The following TCP11 variants were observed in gnomAD, a reference collection of about 807,000 sequenced individuals.
The protein encoded by TCP11 is t-complex 11.
TCP11 carries 34 observed loss-of-function variants against 45.0 expected under a neutral mutation model. The ratio of observed to expected loss-of-function variants is 0.76; its 90% CI spans 0.57 to 1.01. The LOEUF is 1.01. Among genes scored for constraint, TCP11 ranks in the 50% least tolerant of loss-of-function variants. The pLI, the probability that TCP11 is intolerant of heterozygous loss-of-function variation, is 0.00. For missense variants in TCP11, 523 were observed against 598.1 expected, an observed-to-expected ratio of 0.87 and a Z score of 1.31; for synonymous variants, 227 against 227.0, an observed-to-expected ratio of 1.00 and a Z score of 0.00.
At chr6:35,135,302 T>C (rs1780948485) in intron 3 of TCP11, among the ~76,000 whole-genome samples, 1 of 152,190 alleles carries the variant, frequency 6.6e-6, no homozygotes, top group African/African-American at 2.4e-5. Flanking sequence ...AGTATACATA[T>C]ATACACCATG....
rs1163810038 is a variant in TCP11 at position 35,118,424 on chromosome 6, G to A, written c.1357C>T (p.Leu453Phe). 3.3e-5 allele frequency: 53 copies of A among 1,614,074 alleles called. No homozygotes were observed. Among genetic ancestry groups the A allele is most frequent in the Non-Finnish European group, 4.2e-5 (50 of 1,180,012 alleles). The change falls in exon 10 of 10, where the codon CTT becomes TTT. Residue 453 changes from leucine to phenylalanine, a missense_variant. Around this residue, in one of 2 missense-constraint regions of TCP11, gnomAD observed 298 missense variants for 387.9 expected, o/e 0.77. Transcript: ENST00000311875. ...GCCAGTTCTGCTTCAATGAGAGTAAGGCCTCCAGGAAGGTCTAATAGAGAC... is the reference window on the plus strand; with the variant it reads ...GCCAGTTCTGCTTCAATGAGAGTAAAGCCTCCAGGAAGGTCTAATAGAGAC... ...QRSLLDLPGG[L>F]TLIEAELAEL...
intron 3 of TCP11, among the ~76,000 whole-genome samples, chr6:35,131,343 G>A (rs374898201): frequency 7.8e-4 from 119 of 151,982 alleles, no homozygotes; most frequent in African/African-American, 2.5e-3. Context: ...CGAGGCGGGC[G>A]GATCACCTGA....
intron 8 of TCP11, among the ~76,000 whole-genome samples, chr6:35,119,880 C>T (rs1420938366): frequency 6.6e-6 from 1 of 152,110 alleles, no homozygotes; most frequent in African/African-American, 2.4e-5. Context: ...GACCGACTGA[C>T]CAAGTCCTGG....
At chr6:35,140,159 A>G (rs1781559443) in intron 2 of TCP11, 1 of 1,603,596 alleles carries the variant, frequency 6.2e-7, no homozygotes, top group Admixed American at 1.7e-5. Flanking sequence ...GCATTTCAAT[A>G]GTCAAGAATT....
At chr6:35,140,022 C>A in intron 2 of TCP11, 2 of 1,614,094 alleles carry the variant, frequency 1.2e-6, no homozygotes, top group South Asian at 1.1e-5. Context: ...CATCCTACCT[C>A]AGGTTCATAG....
chr6:35,140,904 G>A lies in TCP11; in HGVS notation c.-14-20C>T, dbSNP rs371742227. ...TGGTATCTGGGTGAGGGAGAAAGGC[G>A]TGTTGTTGGCGTCGGGGAAGGGGCC... is the stretch of plus-strand genomic sequence containing the variant. On this transcript the variant is annotated intron_variant, in intron 1 of 9. Coordinates refer to ENST00000311875, the MANE Select transcript of TCP11 (RefSeq NM_001370687.1). 1.3e-6 allele frequency: 2 copies of A among 1,539,246 alleles called. No individual in the cohort carries two copies. Among genetic ancestry groups the A allele is most frequent in the Non-Finnish European group, 1.7e-6 (2 of 1,148,226 alleles).
intron 4 of TCP11, among the ~76,000 whole-genome samples, chr6:35,127,511 G>T (rs1779965359): frequency 6.6e-6 from 1 of 152,214 alleles, no homozygotes; most frequent in Non-Finnish European, 1.5e-5. Flanking sequence ...GGAAGCCATA[G>T]ATAACAACTA....
intron 1 of TCP11, 134 bp downstream of exon 1, chr6:35,141,071 C>T: frequency 2.5e-6 from 3 of 1,216,672 alleles, no homozygotes; most frequent in African/African-American, 1.6e-5. Flanking sequence ...GAGCGCTGGG[C>T]GGCAACGAGG....
In TCP11 at chr6:35,120,519, G is replaced by A; in HGVS notation, c.843C>T (p.Asn281=). The A allele has an allele frequency of 6.2e-7, 1 of 1,614,132 alleles. No individual in the cohort carries two copies. The highest frequency in any genetic ancestry group is 1.1e-5 in the South Asian group (1 of 91,080). ...VAGPSPNEAA[N]NPEPLSPTMV... is the part of the protein sequence containing the mutation. ...TTGTGGGGCTGAGGGGCTCTGGGTT[G>A]TTGGCTGCCTCATTGGGAGAGGGGC... The change falls in exon 7 of 10, where the codon AAC becomes AAT. Residue 281 remains asparagine, a synonymous_variant. Transcript: ENST00000311875. The surrounding 1 kb of genome is among the most constrained non-coding windows in gnomAD (Gnocchi z 4.9).
At position 35,122,218 on chromosome 6, in the gene TCP11, G is replaced by A; in HGVS notation, c.477C>T (p.Leu159=). 1 of 1,614,190 alleles carries A rather than the reference G, an allele frequency of 6.2e-7. No individual in the cohort carries two copies. Among genetic ancestry groups the A allele is most frequent in the Non-Finnish European group, 8.5e-7 (1 of 1,180,034 alleles). The change falls in exon 5 of 10, where the codon CTC becomes CTT. Residue 159 remains leucine, a synonymous_variant. Coordinates refer to ENST00000311875, the MANE Select transcript of TCP11 (RefSeq NM_001370687.1). ...CCATCATGTTGAGAACGTACTTAGA[G>A]AGATAGAGGACTTTCAGGGCCCCAT... The part of the protein sequence containing the change: ...AEHGALKVLY[L]SKYVLNMMAL...
chr6:35,120,143 T>C lies in TCP11; in HGVS notation c.1115+16A>G. ...ACATATCACCTTCTACTCTAAAAAG[T>C]AACTATGCAGCTCACCTGGAGTGAA... On this transcript the variant is annotated intron_variant, in intron 8 of 9. Transcript: ENST00000311875. The surrounding 1 kb of genome is among the most constrained non-coding windows in gnomAD (Gnocchi z 4.9). 6.2e-7 allele frequency: 1 copy of C among 1,611,478 alleles called. No individual in the cohort carries two copies. Among genetic ancestry groups the C allele is most frequent in the East Asian group, 2.2e-5 (1 of 44,868 alleles).
rs1251395534 is a variant in TCP11 at position 35,120,830 on chromosome 6, ATAGAG to A, written c.715+74_715+78del. The A allele has an allele frequency of 6.6e-7, 1 of 1,507,982 alleles. No individual in the cohort carries two copies. Among genetic ancestry groups the A allele is most frequent in the Non-Finnish European group, 8.9e-7 (1 of 1,119,454 alleles). The allele number at this position is 1,507,982 out of a possible 1,614,324, so 93.4% of individuals were successfully genotyped here. On this transcript the variant is annotated intron_variant, in intron 6 of 9. Coordinates refer to ENST00000311875, the MANE Select transcript of TCP11 (RefSeq NM_001370687.1). This position sits in a 1 kb window ranked among gnomAD's most constrained non-coding sequence, Gnocchi z 4.9. ...AGCAACTTTCTATTCCTAAAAAGAG[ATAGAG>A]TACTCTCTAACATTATAAAAGTCAG...
chr6:35,136,399 G>A (rs1369959495), intron 2 of TCP11, among the ~76,000 whole-genome samples, 181 bp from the exon 3 acceptor site: 1 of 151,474 alleles, frequency 6.6e-6, no homozygotes, highest in East Asian at 1.9e-4. Context: ...GAAACTTTCA[G>A]AATAGTAGTC....
At chr6:35,133,045 G>A (rs182994463) in intron 3 of TCP11, among the ~76,000 whole-genome samples, 24 of 152,270 alleles carry the variant, frequency 1.6e-4, no homozygotes, top group Admixed American at 1.4e-3. Flanking sequence ...ACCCCACAAT[G>A]GCCCTCTGAC....
intron 3 of TCP11, among the ~76,000 whole-genome samples, chr6:35,130,437 T>C (rs1780280449): frequency 3.3e-5 from 5 of 152,066 alleles, no homozygotes; most frequent in Admixed American, 3.3e-4. Flanking sequence ...TAGGAAACAA[T>C]CTTTGAAAAA....
At chr6:35,123,651 C>CTTTTT (rs3045081) in intron 4 of TCP11, among the ~76,000 whole-genome samples, 1 of 128,028 alleles carries the variant, frequency 7.8e-6, no homozygotes. Flanking sequence ...AGTTTTCTTT[C>CTTTTT]TTTTTTTTTT....
chr6:35,126,755 C>T (rs1188399649), intron 4 of TCP11, among the ~76,000 whole-genome samples: 1 of 149,368 alleles, frequency 6.7e-6, no homozygotes, highest in East Asian at 2.0e-4. Flanking sequence ...GCCTCTCAGG[C>T]TCCAGCAATC....
At chr6:35,124,775 A>G (rs1357857221) in intron 4 of TCP11, among the ~76,000 whole-genome samples, 1 of 152,208 alleles carries the variant, frequency 6.6e-6, no homozygotes, top group Admixed American at 6.5e-5. Context: ...CTGGGAAAAC[A>G]GGATATTCAC....
rs1161926654 is a variant in TCP11, at chr6:35,121,065, A to G, written c.579-20T>C. On this transcript the variant is annotated intron_variant, in intron 5 of 9. Transcript: ENST00000311875. The stretch of plus-strand genomic sequence containing the variant: ...ATCCCTCTGACACAGGGGGAAAGAG[A>G]ATATTTATACTACTAAGCTAGAAAC... 1 of 1,590,908 alleles carries G rather than the reference A, an allele frequency of 6.3e-7. No individual in the cohort carries two copies. The highest frequency in any genetic ancestry group is 8.6e-7 in the Non-Finnish European group (1 of 1,167,440).
Sources: gnomAD v4.1 joint callset for allele counts (sites outside exome capture counted in the v4.1 genomes callset) on GRCh38, gnomAD v4.1.1 for gene constraint, gnomAD v4.1.1 regional missense constraint, Gnocchi (gnomAD v3.1) non-coding constraint, MANE v1.5 for transcripts, NCBI Gene and HGNC (gene_info 2026-07-23, HGNC 2026-07-21) for gene names.